Variants in ADGRV1 observed in about 807,000 individuals in gnomAD.
ADGRV1 encodes G-protein coupled receptor 98.
In ADGRV1, 359 loss-of-function variants were observed where a neutral mutation model predicts 596.2. The ratio of observed to expected loss-of-function variants is 0.60; its 90% CI spans 0.55 to 0.66. The LOEUF is 0.66. Among genes scored for constraint, ADGRV1 ranks in the 30% least tolerant of loss-of-function variants. ADGRV1 has a pLI of 0.00. For missense variants in ADGRV1, 7,274 were observed against 7,575.6 expected (o/e 0.96, Z 1.48); for synonymous variants, 2,681 against 2,679.2 (o/e 1.00, Z -0.02).
At chr5:91,088,545 A>G (rs1231590486) in intron 86 of ADGRV1, among the ~76,000 whole-genome samples, 2 of 152,056 alleles carry the variant, frequency 1.3e-5, no homozygotes, top group Admixed American at 6.6e-5. Context: ...CATAGTGACC[A>G]AAAAACTGTA....
rs752612643 is a variant in ADGRV1, at chr5:90,729,745, C to T, written c.10530C>T (p.Phe3510=). 1 of 1,613,256 alleles carries T rather than the reference C, an allele frequency of 6.2e-7. No individual in the cohort carries two copies. The highest frequency in any genetic ancestry group is 8.5e-7 in the Non-Finnish European group (1 of 1,179,346). The stretch of plus-strand genomic sequence containing the variant: ...CTGCTGTTAACAGAATCCACTCCTT[C>T]ACACCAGCCTCAGGAATAGGTAAGG... ...DFAAVNRIHS[F]TPASGIAHIL... is the part of the protein sequence containing the mutation. Residue 3510 remains phenylalanine, a synonymous_variant, in exon 50 of 90, where the codon TTC becomes TTT. Coordinates refer to ENST00000405460, the MANE Select transcript of ADGRV1 (RefSeq NM_032119.4).
chr5:90,688,264 T>C (rs2149606663), intron 29 of ADGRV1, among the ~76,000 whole-genome samples: 1 of 152,288 alleles, frequency 6.6e-6, no homozygotes, highest in South Asian at 2.1e-4. Flanking sequence ...TATCTGATCT[T>C]TGACAAACCT....
At chr5:90,819,005 T>G (rs1763200480) in intron 75 of ADGRV1, among the ~76,000 whole-genome samples, 1 of 152,158 alleles carries the variant, frequency 6.6e-6, no homozygotes, top group Non-Finnish European at 1.5e-5. Flanking sequence ...AGTTCCTCCT[T>G]GTACCTCTGG....
chr5:90,735,286 T>C (rs1753077197), intron 50 of ADGRV1, among the ~76,000 whole-genome samples: 1 of 152,244 alleles, frequency 6.6e-6, no homozygotes, highest in Non-Finnish European at 1.5e-5. Flanking sequence ...TTCTTCATTG[T>C]GTGTTCTTGG....
In ADGRV1 at chr5:90,781,523, A is replaced by G. The variant is rs1561717328; in HGVS notation, c.13176A>G (p.Lys4392=). ...CCATTGTTCGCATCATAATAATGAA[A>G]AATGATAACGCAGAAGGCATCATTG... ...NISIVRIIIM[K]NDNAEGIIEF... The change falls in exon 65 of 90, where the codon AAA becomes AAG. Residue 4392 remains lysine (K), a synonymous_variant. Transcript: ENST00000405460. 1 of 1,611,792 alleles carries G rather than the reference A, an allele frequency of 6.2e-7. No individual in the cohort carries two copies. The highest frequency in any genetic ancestry group is 1.7e-5 in the Admixed American group (1 of 59,724).
intron 21 of ADGRV1, among the ~76,000 whole-genome samples, chr5:90,667,889 C>T (rs1163220830): frequency 2.0e-5 from 3 of 152,002 alleles, no homozygotes; most frequent in African/African-American, 7.3e-5. Context: ...TCAGTGTGCC[C>T]CTGTTGGGGG....
At position 90,673,402 on chromosome 5, in the gene ADGRV1, A is replaced by G. The variant is rs77531166; in HGVS notation, c.4930-652A>G. On this transcript the variant is annotated intron_variant, in intron 22 of 89. Transcript: ENST00000405460. ...TGATATTATATTGATAAATCAACGT[A>G]TCATATATGATGTAATACTGATGCA... Among the ~76,000 whole-genome samples, 65 of 152,330 alleles carry G rather than the reference A, an allele frequency of 4.3e-4. No individual in the cohort carries two copies. The East Asian group carries it at 7.9e-3, about 19-fold the overall frequency.
At chr5:91,060,398 A>ATTTTTTTTTTATTTATTTAT (rs1787315775) in intron 85 of ADGRV1, among the ~76,000 whole-genome samples, 1 of 60,478 alleles carries the variant, frequency 1.7e-5, no homozygotes, top group African/African-American at 4.7e-5. Context: ...ATATATATAT[A>ATTTTTTTTTTATTTATTTAT]TTTTTTTTTT....
At chr5:90,596,575 G>A (rs1303179440) in intron 1 of ADGRV1, among the ~76,000 whole-genome samples, 1 of 152,088 alleles carries the variant, frequency 6.6e-6, no homozygotes, top group African/African-American at 2.4e-5. Context: ...ATCACTCGTG[G>A]TTAGGAGCTG....
chr5:90,746,178 A>T (rs1181593226), intron 52 of ADGRV1, among the ~76,000 whole-genome samples: 1 of 139,936 alleles, frequency 7.1e-6, no homozygotes, highest in Non-Finnish European at 1.5e-5. Flanking sequence ...ACATACAAAT[A>T]TATTACTATC....
intron 58 of ADGRV1, among the ~76,000 whole-genome samples, chr5:90,760,525 C>T (rs543938246): frequency 1.3e-5 from 2 of 152,268 alleles, no homozygotes; most frequent in East Asian, 3.9e-4. Context: ...ACTGCCAGAC[C>T]ACCAATCTGG....
At chr5:90,756,853 TCTGA>T in intron 56 of ADGRV1, 122 bp from the exon 57 acceptor site, 1 of 818,748 alleles carries the variant, frequency 1.2e-6, no homozygotes. Context: ...CATACTTATA[TCTGA>T]CTATTAATTT....
intron 85 of ADGRV1, among the ~76,000 whole-genome samples, chr5:91,017,703 T>C (rs1783287095): frequency 1.3e-5 from 2 of 151,950 alleles, no homozygotes; most frequent in Non-Finnish European, 2.9e-5. Context: ...GATGTGAATT[T>C]ACCCCCAGGA....
At chr5:90,678,665 G>A (rs2149564191) in intron 25 of ADGRV1, among the ~76,000 whole-genome samples, 1 of 148,140 alleles carries the variant, frequency 6.8e-6, no homozygotes, top group Admixed American at 6.9e-5. Context: ...CATGGTCAGA[G>A]AATGCATGTG....
chr5:90,783,385 T>C, intron 66 of ADGRV1, 60 bp downstream of exon 66: 2 of 1,139,832 alleles, frequency 1.8e-6, no homozygotes, highest in South Asian at 1.3e-5. Flanking sequence ...TTCAAACTCT[T>C]ACATATGTTT....
At chr5:90,758,749 A>G (rs1436081074) in intron 57 of ADGRV1, among the ~76,000 whole-genome samples, 1 of 152,230 alleles carries the variant, frequency 6.6e-6, no homozygotes, top group Non-Finnish European at 1.5e-5. Context: ...TTTATGACCA[A>G]TAGTGAAACT....
chr5:90,855,684 C>A, intron 81 of ADGRV1, 57 bp from the exon 82 acceptor site: 1 of 1,228,304 alleles, frequency 8.1e-7, no homozygotes, highest in Non-Finnish European at 1.1e-6. Flanking sequence ...TAAAAGCCAT[C>A]TCAACACCTT....
At chr5:90,971,923 C>G (rs1327437332) in intron 84 of ADGRV1, among the ~76,000 whole-genome samples, 1 of 152,182 alleles carries the variant, frequency 6.6e-6, no homozygotes, top group African/African-American at 2.4e-5. Context: ...GATAAAGACT[C>G]AAGACCCATC....
At chr5:91,152,277 A>G (rs1796125809) in intron 88 of ADGRV1, among the ~76,000 whole-genome samples, 1 of 152,248 alleles carries the variant, frequency 6.6e-6, no homozygotes, top group East Asian at 1.9e-4. Flanking sequence ...AATACATTTA[A>G]TCATTCCAGG....
Sources: gnomAD v4.1 joint callset for allele counts (sites outside exome capture counted in the v4.1 genomes callset) on GRCh38, gnomAD v4.1.1 for gene constraint, MANE v1.5 for transcripts, NCBI Gene and HGNC (gene_info 2026-07-23, HGNC 2026-07-21) for gene names.